The following SNX29 variants were observed in gnomAD, a reference collection of about 807,000 sequenced individuals.
SNX29 encodes the protein sorting nexin 29.
In SNX29, 78 loss-of-function variants were observed where a neutral mutation model predicts 102.1. The ratio of observed to expected loss-of-function variants is 0.76; its 90% confidence interval spans 0.64 to 0.92. SNX29 has a LOEUF of 0.92. Ranked by LOEUF, SNX29 falls within the 40% of genes least tolerant of loss-of-function variation. The pLI is 0.00. For synonymous variants in SNX29, 580 were observed against 414.5 expected (o/e 1.40, Z -4.85); for missense variants, 1,280 against 1,061.7 (o/e 1.21, Z -2.86).
At chr16:12,373,428 G>C (rs2082760732) in intron 16 of SNX29, among the ~76,000 whole-genome samples, 1 of 152,150 alleles carries the variant, frequency 6.6e-6, no homozygotes, top group African/African-American at 2.4e-5. Context: ...TGCTATGCCT[G>C]GCCCATATCC....
At chr16:12,154,832 G>A (rs774002028) in intron 13 of SNX29, among the ~76,000 whole-genome samples, 5 of 152,066 alleles carry the variant, frequency 3.3e-5, no homozygotes, top group Non-Finnish European at 7.4e-5. Flanking sequence ...TGCTCTCTGG[G>A]GCCTCTCTTA....
chr16:12,424,956 T>A (rs1040566467), intron 18 of SNX29, among the ~76,000 whole-genome samples: 7 of 151,186 alleles, frequency 4.6e-5, no homozygotes, highest in Non-Finnish European at 1.0e-4. Context: ...GACAAATGGA[T>A]AAATAAATTG....
At position 12,395,827 on chromosome 16, in the gene SNX29, G is replaced by C. The variant is rs565339832; in HGVS notation, c.1900-2619G>C. 7.9e-5 allele frequency among the ~76,000 whole-genome samples: 12 copies of C among 152,208 alleles called. 1 individual carries two copies. The highest frequency in any genetic ancestry group is 2.9e-4 in the African/African-American group (12 of 41,528). On this transcript the variant is annotated intron_variant, in intron 16 of 20. Coordinates refer to ENST00000566228, the MANE Select transcript of SNX29 (RefSeq NM_032167.5). Reference sequence around the variant, plus strand: ...ATAAAATAGAATCAGCTCTCTAAAGGGCTGCTGTCAAGTCTAGCTAATATC... The same window carrying C: ...ATAAAATAGAATCAGCTCTCTAAAGCGCTGCTGTCAAGTCTAGCTAATATC...
At chr16:12,566,778 C>A (rs1053007897) in intron 20 of SNX29, among the ~76,000 whole-genome samples, 2 of 152,228 alleles carry the variant, frequency 1.3e-5, no homozygotes, top group African/African-American at 2.4e-5. Flanking sequence ...GAAAGCACAG[C>A]ACACGCCAGG....
At chr16:12,541,548 C>T (rs941777474) in intron 20 of SNX29, among the ~76,000 whole-genome samples, 2 of 151,916 alleles carry the variant, frequency 1.3e-5, no homozygotes, top group African/African-American at 4.8e-5. Flanking sequence ...TCATCAGCCT[C>T]CCTTTTCAAG....
intron 15 of SNX29, among the ~76,000 whole-genome samples, chr16:12,331,796 C>T (rs1332630606): frequency 1.3e-5 from 2 of 152,206 alleles, no homozygotes. Flanking sequence ...AGGTGATCTG[C>T]CTGCCTCAGC....
intron 11 of SNX29, among the ~76,000 whole-genome samples, chr16:12,091,529 G>A (rs1393903940): frequency 1.3e-5 from 2 of 152,078 alleles, no homozygotes; most frequent in Admixed American, 6.5e-5. Flanking sequence ...GCTTATGCCT[G>A]CAATCCCAGC....
intron 14 of SNX29, among the ~76,000 whole-genome samples, chr16:12,208,490 A>C (rs2077102677): frequency 6.6e-6 from 1 of 152,184 alleles, no homozygotes; most frequent in Admixed American, 6.5e-5. Context: ...CATGTCTCTC[A>C]GATATACTGA....
At chr16:12,395,143 C>G (rs1301467574) in intron 16 of SNX29, among the ~76,000 whole-genome samples, 1 of 151,996 alleles carries the variant, frequency 6.6e-6, no homozygotes, top group Non-Finnish European at 1.5e-5. Flanking sequence ...AACATTTATT[C>G]AGGACATAGT....
At chr16:12,165,062 A>G (rs1213865853) in intron 13 of SNX29, among the ~76,000 whole-genome samples, 1 of 152,198 alleles carries the variant, frequency 6.6e-6, no homozygotes, top group African/African-American at 2.4e-5. Context: ...GAGTGAATCA[A>G]GAGTTTGTCG....
intron 13 of SNX29, among the ~76,000 whole-genome samples, chr16:12,151,958 C>G (rs1347501992): frequency 6.6e-6 from 1 of 152,218 alleles, no homozygotes; most frequent in Non-Finnish European, 1.5e-5. Context: ...TAGTCTGAAA[C>G]TCCTGACCTC....
intron 19 of SNX29, among the ~76,000 whole-genome samples, chr16:12,498,589 A>C (rs1480946658): frequency 6.6e-6 from 1 of 152,218 alleles, no homozygotes; most frequent in Non-Finnish European, 1.5e-5. Flanking sequence ...GTGGGAAATT[A>C]AACAGTTAAG....
chr16:12,240,429 C>T (rs1026710548), intron 14 of SNX29, among the ~76,000 whole-genome samples: 1 of 151,962 alleles, frequency 6.6e-6, no homozygotes, highest in African/African-American at 2.4e-5. Context: ...TCAATTTTTC[C>T]AGGACTATTG....
intron 14 of SNX29, among the ~76,000 whole-genome samples, chr16:12,254,212 C>A (rs1381260694): frequency 1.3e-5 from 2 of 152,008 alleles, no homozygotes; most frequent in Non-Finnish European, 2.9e-5. Flanking sequence ...TGCCGGGGCC[C>A]ACAATACCGA....
At chr16:12,231,540 AAAC>A (rs2077769737) in intron 14 of SNX29, among the ~76,000 whole-genome samples, 1 of 51,530 alleles carries the variant, frequency 1.9e-5, no homozygotes, top group African/African-American at 3.9e-5. Flanking sequence ...TTTAAAAAAA[AAAC>A]AAAAAACAAA....
chr16:11,976,873 C>G, intron 1 of SNX29, 60 bp downstream of exon 1: 1 of 1,314,244 alleles, frequency 7.6e-7, no homozygotes, highest in East Asian at 3.1e-5. Flanking sequence ...GCCGCTCCAG[C>G]TGCACACTCC....
chr16:12,042,865 G>A lies in SNX29; in HGVS notation c.248-32G>A, dbSNP rs749845385. On this transcript the variant is annotated intron_variant, in intron 4 of 20. Transcript: ENST00000566228. ...CTCCCAGTGCTGAGTGCCCCAGGCC[G>A]AGTGCCAGGCGCCTGTGCCCTCTCT... 10 of 1,577,568 alleles carry A rather than the reference G, an allele frequency of 6.3e-6. No individual in the cohort carries two copies. The African/African-American group carries it at 8.1e-5, about 13-fold the overall frequency.
rs1261121800 is a variant in SNX29 at position 12,569,205 on chromosome 16, C to G, written c.*576C>G. 4.6e-6 allele frequency: 1 copy of G among 216,528 alleles called. No homozygotes were observed. Among genetic ancestry groups the G allele is most frequent in the Admixed American group, 6.0e-5 (1 of 16,750 alleles). The allele number at this position is 216,528 out of a possible 1,614,324, so 13.4% of individuals were successfully genotyped here. A position where few individuals can be genotyped will look rare whatever the true frequency, so the allele number is the denominator to read the frequency against. Reference sequence around the variant, plus strand: ...TTAGACACCTGGCACTGTCACAGCTCACTTTTCCAGAGGGATATTCCTGTG... The same window carrying G: ...TTAGACACCTGGCACTGTCACAGCTGACTTTTCCAGAGGGATATTCCTGTG... On this transcript the variant is annotated 3_prime_UTR_variant, in exon 21 of 21. Coordinates refer to ENST00000566228, the MANE Select transcript of SNX29 (RefSeq NM_032167.5).
chr16:12,462,745 A>C (rs1380224733), intron 18 of SNX29, among the ~76,000 whole-genome samples: 1 of 152,314 alleles, frequency 6.6e-6, no homozygotes, highest in African/African-American at 2.4e-5. Context: ...GTTTGTATCT[A>C]TGAAGAGAGA....
Sources: allele counts gnomAD v4.1 joint callset (sites outside exome capture counted in the v4.1 genomes callset), GRCh38; gene constraint gnomAD v4.1.1; transcripts MANE v1.5; gene names NCBI Gene and HGNC (gene_info 2026-07-23, HGNC 2026-07-21).